Variants in TLE1 observed in about 807,000 individuals in gnomAD.
The protein encoded by TLE1 is TLE family member 1, transcriptional corepressor.
TLE1 carries 21 observed loss-of-function variants against 89.8 expected under a neutral mutation model. The ratio of observed to expected loss-of-function variants is 0.23; its 90% CI spans 0.17 to 0.34. The LOEUF is 0.34. Among genes scored for constraint, TLE1 ranks in the 10% least tolerant of loss-of-function variants. The pLI, the probability that TLE1 is intolerant of heterozygous loss-of-function variation, is 1.00. For missense variants in TLE1, 795 were observed against 1,031.2 expected (o/e 0.77, Z 3.14); for synonymous variants, 447 against 407.6 (o/e 1.10, Z -1.16).
At chr9:81,614,275 G>A (rs1375658669) in intron 11 of TLE1, among the ~76,000 whole-genome samples, 2 of 152,080 alleles carry the variant, frequency 1.3e-5, no homozygotes, top group Non-Finnish European at 2.9e-5. Flanking sequence ...AGAGAGAGTG[G>A]GGCCAGTATC....
At chr9:81,639,932 G>C (rs1332212648) in intron 6 of TLE1, among the ~76,000 whole-genome samples, 1 of 152,052 alleles carries the variant, frequency 6.6e-6, no homozygotes, top group Admixed American at 6.6e-5. Context: ...TAGCAATATA[G>C]CTGGTTTCTC....
Position 81,642,705 on chromosome 9 carries a change from GAAAA to G in TLE1, c.373-8408_373-8405del, listed in dbSNP as rs534392185. Among the ~76,000 whole-genome samples the G allele has an allele frequency of 6.7e-5, 9 of 135,302 alleles. No homozygotes were observed. In the East Asian group the frequency reaches 1.8e-3, roughly 26 times the overall value. 88.8% of individuals were successfully genotyped at this position (135,302 alleles called of 152,430 possible). On this transcript the variant is annotated intron_variant, in intron 6 of 19. Coordinates refer to ENST00000376499, the MANE Select transcript of TLE1 (RefSeq NM_005077.5). ...TGAGACTCCGTCTCAAAAAATGAAA[GAAAA>G]GAAAGAAAGGAAAGAAAGAAAGAAA...
At chr9:81,648,555 G>C (rs117428137) in intron 6 of TLE1, among the ~76,000 whole-genome samples, 4,667 of 152,064 alleles carry the variant, frequency 0.031, 117 homozygotes, top group Non-Finnish European at 0.045. Flanking sequence ...ATTATCCCTC[G>C]ATTATCTGTG....
chr9:81,651,776 A>C (rs1188008127), intron 6 of TLE1, among the ~76,000 whole-genome samples: 1 of 152,108 alleles, frequency 6.6e-6, no homozygotes, highest in Non-Finnish European at 1.5e-5. Flanking sequence ...TAATGAAGCA[A>C]GGGTGGTTTA....
At chr9:81,650,911 A>G (rs1829452033) in intron 6 of TLE1, among the ~76,000 whole-genome samples, 1 of 152,216 alleles carries the variant, frequency 6.6e-6, no homozygotes, top group Admixed American at 6.5e-5. Context: ...TTGACTGCCA[A>G]TAGCTTACCA....
chr9:81,627,162 GAC>G (rs1563990360), intron 8 of TLE1, among the ~76,000 whole-genome samples: 2 of 152,030 alleles, frequency 1.3e-5, no homozygotes, highest in African/African-American at 4.8e-5. Flanking sequence ...CAAAGATGAG[GAC>G]ACAGAGTTTG....
At chr9:81,613,008 A>T (rs1179564887) in intron 12 of TLE1, among the ~76,000 whole-genome samples, 1 of 152,144 alleles carries the variant, frequency 6.6e-6, no homozygotes, top group Non-Finnish European at 1.5e-5. Context: ...CAGTGAGCTG[A>T]GATCCCGCCA....
At chr9:81,681,098 C>G (rs1461336140) in intron 4 of TLE1, among the ~76,000 whole-genome samples, 1 of 152,158 alleles carries the variant, frequency 6.6e-6, no homozygotes, top group South Asian at 2.1e-4. Flanking sequence ...AAGCACACAT[C>G]AAAACTGTAA....
At chr9:81,674,645 T>C (rs542272878) in intron 4 of TLE1, among the ~76,000 whole-genome samples, 6 of 152,316 alleles carry the variant, frequency 3.9e-5, no homozygotes, top group Admixed American at 3.3e-4. Context: ...AGGTAAAGTA[T>C]AAGTCAAGTT....
At chr9:81,638,371 A>G (rs371043726) in intron 6 of TLE1, among the ~76,000 whole-genome samples, 5 of 152,180 alleles carry the variant, frequency 3.3e-5, no homozygotes, top group Non-Finnish European at 7.3e-5. Flanking sequence ...CTAAGATAAC[A>G]TATTTATTTA....
intron 4 of TLE1, among the ~76,000 whole-genome samples, chr9:81,675,565 C>T (rs866867693): frequency 1.3e-5 from 2 of 152,086 alleles, no homozygotes; most frequent in Middle Eastern, 6.3e-3. Flanking sequence ...CAATAAAACT[C>T]CTCACTAAGA....
intron 4 of TLE1, among the ~76,000 whole-genome samples, chr9:81,660,258 T>TA (rs1830599886): frequency 6.6e-6 from 1 of 151,038 alleles, no homozygotes; most frequent in Admixed American, 6.6e-5. Flanking sequence ...AACCAAAACT[T>TA]AATCTCCATG....
chr9:81,679,218 A>G (rs1469916376), intron 4 of TLE1, among the ~76,000 whole-genome samples: 1 of 152,190 alleles, frequency 6.6e-6, no homozygotes, highest in East Asian at 1.9e-4. Flanking sequence ...TGATAAAATC[A>G]TATATCAACA....
At chr9:81,616,924 A>G (rs1824593429) in intron 9 of TLE1, among the ~76,000 whole-genome samples, 1 of 152,232 alleles carries the variant, frequency 6.6e-6, no homozygotes, top group Admixed American at 6.5e-5. Context: ...ATTCTGTAGC[A>G]GTAGCAAACC....
rs1171383430 is a variant in TLE1 at position 81,587,938 on chromosome 9, G to GTGTGTGTGTGTA, written c.1830-111_1830-110insTACACACACACA. 3.0e-5 allele frequency: 33 copies of GTGTGTGTGTGTA among 1,111,420 alleles called. No individual in the cohort carries two copies. In the African/African-American group the frequency reaches 3.8e-4, roughly 13 times the overall value. 68.8% of individuals were successfully genotyped at this position (1,111,420 alleles called of 1,614,324 possible). On this transcript the variant is annotated intron_variant, in intron 16 of 19. Transcript: ENST00000376499. ...TGTGTGTGTGTGTGTGTGTGTGTGT[G>GTGTGTGTGTGTA]TGTGTGTGATCCCGCCAGTGTCTGC...
chr9:81,638,692 T>C (rs902382201), intron 6 of TLE1, among the ~76,000 whole-genome samples: 2 of 151,688 alleles, frequency 1.3e-5, no homozygotes, highest in Admixed American at 1.3e-4. Flanking sequence ...TGGCGCAATC[T>C]TGGCTCACTA....
At chr9:81,652,114 C>CACACACAT in intron 6 of TLE1, 100 bp downstream of exon 6, 1 of 1,094,680 alleles carries the variant, frequency 9.1e-7, no homozygotes, top group Non-Finnish European at 1.4e-6. Flanking sequence ...GATACACACA[C>CACACACAT]ACACACACAC....
chr9:81,672,129 G>C (rs1832304341), intron 4 of TLE1, among the ~76,000 whole-genome samples: 1 of 152,198 alleles, frequency 6.6e-6, no homozygotes, highest in African/African-American at 2.4e-5. Flanking sequence ...ACCCAGATCA[G>C]AAGGCGGCCA....
At chr9:81,684,148 T>TAA in intron 4 of TLE1, among the ~76,000 whole-genome samples, 1 of 138,762 alleles carries the variant, frequency 7.2e-6, no homozygotes, top group East Asian at 2.1e-4. Flanking sequence ...CAGAGTAAAT[T>TAA]AAAAAAAAAA....
Sources: allele counts gnomAD v4.1 joint callset (sites outside exome capture counted in the v4.1 genomes callset), GRCh38; gene constraint gnomAD v4.1.1; transcripts MANE v1.5; gene names NCBI Gene and HGNC (gene_info 2026-07-23, HGNC 2026-07-21).